The following GPATCH11 variants were observed in gnomAD, a reference collection of about 807,000 sequenced individuals.
GPATCH11 encodes the protein G-patch domain containing 11.
A neutral mutation model predicts 44.8 loss-of-function variants in GPATCH11; 32 were observed. The ratio of observed to expected loss-of-function variants is 0.71; its 90% CI spans 0.54 to 0.96. The LOEUF is 0.96. Among genes scored for constraint, GPATCH11 ranks in the 40% least tolerant of loss-of-function variants. The probability of loss-of-function intolerance (pLI) is 0.00; values close to 1 mark genes in which losing one functional copy is unlikely to be tolerated. For synonymous variants in GPATCH11, 84 were observed against 94.4 expected, an observed-to-expected ratio of 0.89 and a Z score of 0.64; for missense variants, 324 against 303.1, an observed-to-expected ratio of 1.07 and a Z score of -0.51.
At chr2:37,095,370 A>C in intron 7 of GPATCH11, 67 bp from the exon 8 acceptor site, 1 of 1,531,044 alleles carries the variant, frequency 6.5e-7, no homozygotes, top group South Asian at 1.3e-5. Context: ...ATTCGGCACG[A>C]TCTAAGAGCC....
rs770516455 is a variant in GPATCH11, at chr2:37,094,203, T to C, written c.654+8T>C. The C allele has an allele frequency of 3.4e-6, 5 of 1,485,838 alleles. No individual in the cohort carries two copies. The highest frequency in any genetic ancestry group is 3.7e-6 in the Non-Finnish European group (4 of 1,086,914). The allele number at this position is 1,485,838 out of a possible 1,614,324, so 92.0% of individuals were successfully genotyped here. A position where few individuals can be genotyped will look rare whatever the true frequency, so the allele number is the denominator to read the frequency against. On this transcript the variant is annotated splice_region_variant and intron_variant, in intron 7 of 8. Transcript: ENST00000674370. Reference sequence around the variant, plus strand: ...AAGAGTGAAGATTTAAGCGTATGCTTTGCACCATTTCCTTCATAGGGTGTC... The same window carrying C: ...AAGAGTGAAGATTTAAGCGTATGCTCTGCACCATTTCCTTCATAGGGTGTC...
chr2:37,095,415 A>C, intron 7 of GPATCH11, 22 bp from the exon 8 acceptor site: 1 of 1,591,672 alleles, frequency 6.3e-7, no homozygotes, highest in Non-Finnish European at 8.5e-7. Flanking sequence ...TAAAGTATTA[A>C]TAATGTGCTT....
rs558962004 is a variant in GPATCH11 at position 37,098,801 on chromosome 2, A to T, written c.*2538A>T. The stretch of plus-strand genomic sequence containing the variant: ...GTGGTGCATGCCTTTGGTCCCAGCT[A>T]CTCAGGGGGCTGAGATGGGGAATCC... On this transcript the variant is annotated 3_prime_UTR_variant, in exon 9 of 9. Coordinates refer to ENST00000674370, the MANE Select transcript of GPATCH11 (RefSeq NM_174931.4). The T allele has an allele frequency of 6.6e-6, 1 of 152,250 alleles. No individual in the cohort carries two copies. The highest frequency in any genetic ancestry group is 2.4e-5 in the African/African-American group (1 of 41,526). 9.4% of individuals were successfully genotyped at this position (152,250 alleles called of 1,614,324 possible). A position where few individuals can be genotyped will look rare whatever the true frequency, so the allele number is the denominator to read the frequency against.
At chr2:37,095,011 A>G (rs1363604331) in intron 7 of GPATCH11, among the ~76,000 whole-genome samples, 1 of 152,142 alleles carries the variant, frequency 6.6e-6, no homozygotes, top group East Asian at 1.9e-4. Flanking sequence ...TTACTTGAGT[A>G]TAATAATTTT....
Position 37,094,205 on chromosome 2 carries a change from G to T in GPATCH11, c.654+10G>T. 1 of 1,484,812 alleles carries T rather than the reference G, an allele frequency of 6.7e-7. No homozygotes were observed. Among genetic ancestry groups the T allele is most frequent in the Non-Finnish European group, 9.2e-7 (1 of 1,086,000 alleles). The allele number at this position is 1,484,812 out of a possible 1,614,324, so 92.0% of individuals were successfully genotyped here. ...GAGTGAAGATTTAAGCGTATGCTTT[G>T]CACCATTTCCTTCATAGGGTGTCTC... On this transcript the variant is annotated intron_variant, in intron 7 of 8. Transcript: ENST00000674370.
At chr2:37,091,780 T>A (rs1673330338) in intron 4 of GPATCH11, 136 bp from the exon 5 acceptor site, 1 of 667,484 alleles carries the variant, frequency 1.5e-6, no homozygotes, top group African/African-American at 1.8e-5. Context: ...TAGTGTTTTC[T>A]ACTATTAGTG....
chr2:37,092,479 AAT>A (rs1343141799), intron 6 of GPATCH11, among the ~76,000 whole-genome samples: 1 of 135,444 alleles, frequency 7.4e-6, no homozygotes, highest in Non-Finnish European at 1.6e-5. Context: ...TTATATATAT[AAT>A]ATATATATTA....
At chr2:37,095,158 G>T (rs1673512632) in intron 7 of GPATCH11, among the ~76,000 whole-genome samples, 1 of 152,096 alleles carries the variant, frequency 6.6e-6, no homozygotes, top group South Asian at 2.1e-4. Flanking sequence ...AGTAGAAAAA[G>T]CCTTTAAAGG....
At chr2:37,092,447 ATAT>A (rs1171722122) in intron 6 of GPATCH11, among the ~76,000 whole-genome samples, 192 bp downstream of exon 6, 4 of 143,822 alleles carry the variant, frequency 2.8e-5, no homozygotes, top group African/African-American at 5.0e-5. Context: ...TATGTCTTAT[ATAT>A]TATATATATT....
Position 37,096,583 on chromosome 2 carries a change from G to A in GPATCH11, c.*320G>A, listed in dbSNP as rs1421835488. ...GGAACAAATTGAGAAATAAGAAATGGGAGTCAGAGGAAGAGAAAAATATCC... is the reference window on the plus strand; with the variant it reads ...GGAACAAATTGAGAAATAAGAAATGAGAGTCAGAGGAAGAGAAAAATATCC... On this transcript the variant is annotated 3_prime_UTR_variant, in exon 9 of 9. Coordinates refer to ENST00000674370, the MANE Select transcript of GPATCH11 (RefSeq NM_174931.4). 8.1e-6 allele frequency: 2 copies of A among 247,060 alleles called. No individual in the cohort carries two copies. The highest frequency in any genetic ancestry group is 1.5e-5 in the Non-Finnish European group (2 of 129,468). The allele number at this position is 247,060 out of a possible 1,614,324, so 15.3% of individuals were successfully genotyped here. A position where few individuals can be genotyped will look rare whatever the true frequency, so the allele number is the denominator to read the frequency against.
chr2:37,085,223 C>G (rs943131564), intron 1 of GPATCH11, among the ~76,000 whole-genome samples: 1 of 152,204 alleles, frequency 6.6e-6, no homozygotes, highest in Non-Finnish European at 1.5e-5. Flanking sequence ...AAGTAGGTCT[C>G]TTAAAAACAA....
intron 1 of GPATCH11, among the ~76,000 whole-genome samples, chr2:37,086,729 G>T (rs1363961088): frequency 6.6e-6 from 1 of 152,192 alleles, no homozygotes; most frequent in Non-Finnish European, 1.5e-5. Flanking sequence ...AACTCGGCAG[G>T]TGTAGGTTGC....
In GPATCH11 at chr2:37,086,262, G is replaced by A. The variant is rs74679441; in HGVS notation, c.-14+1692G>A. On this transcript the variant is annotated intron_variant, in intron 1 of 8. Transcript: ENST00000674370. ...TTGACTCACAGAAATGTATTAAGCT[G>A]TACATTTGTTTTATGTGTTTTCTGT... Among the ~76,000 whole-genome samples, 1,393 of 152,288 alleles carry A rather than the reference G, an allele frequency of 9.1e-3. 11 individuals carry two copies. The highest frequency in any genetic ancestry group is 0.015 in the Non-Finnish European group (1,001 of 68,020).
chr2:37,092,814 T>C (rs1673399026), intron 6 of GPATCH11, among the ~76,000 whole-genome samples: 1 of 152,168 alleles, frequency 6.6e-6, no homozygotes. Context: ...TAGCCTATTT[T>C]CAGTTCCTAT....
intron 2 of GPATCH11, among the ~76,000 whole-genome samples, chr2:37,088,957 T>C (rs1190243572): frequency 6.6e-6 from 1 of 152,248 alleles, no homozygotes; most frequent in East Asian, 1.9e-4. Flanking sequence ...CCCTTGATCC[T>C]TTTTATTGCC....
intron 7 of GPATCH11, among the ~76,000 whole-genome samples, 153 bp from the exon 8 acceptor site, chr2:37,095,284 C>G (rs1295808536): frequency 6.6e-6 from 1 of 152,134 alleles, no homozygotes; most frequent in Non-Finnish European, 1.5e-5. Context: ...GTAACACATT[C>G]GAATATATCA....
chr2:37,095,576 A>T (rs1207852872), intron 8 of GPATCH11, 58 bp downstream of exon 8: 2 of 1,467,206 alleles, frequency 1.4e-6, no homozygotes, highest in East Asian at 2.6e-5. Context: ...ATTTTTAGTT[A>T]AAGTCATTTC....
intron 6 of GPATCH11, among the ~76,000 whole-genome samples, chr2:37,093,034 T>C (rs1572982529): frequency 6.6e-6 from 1 of 152,136 alleles, no homozygotes; most frequent in East Asian, 1.9e-4. Flanking sequence ...TAGTCCTATC[T>C]ACTCAGGAGG....
At position 37,092,235 on chromosome 2, in the gene GPATCH11, C is replaced by A; in HGVS notation, c.520C>A (p.Gln174Lys). ...GDLRRSQRACQQLDVQKNIQV... is the reference protein window; with the variant it reads ...GDLRRSQRACKQLDVQKNIQV... ...TCTCAGAAGAAGCCAGCGAGCCTGT[C>A]AACAACTGGATGTCCAGAAAGTAAG... Residue 174 changes from glutamine (Q) to lysine (K), a missense_variant, in exon 6 of 9, where the codon CAA (glutamine) becomes AAA (lysine). By Grantham distance (53) the Gln-to-Lys change is moderately conservative. Coordinates refer to ENST00000674370, the MANE Select transcript of GPATCH11 (RefSeq NM_174931.4). 6.6e-7 allele frequency: 1 copy of A among 1,509,558 alleles called. No individual in the cohort carries two copies. The highest frequency in any genetic ancestry group is 1.4e-5 in the South Asian group (1 of 70,410). The allele number at this position is 1,509,558 out of a possible 1,614,324, so 93.5% of individuals were successfully genotyped here.
Sources: gnomAD v4.1 joint callset for allele counts (sites outside exome capture counted in the v4.1 genomes callset) on GRCh38, gnomAD v4.1.1 for gene constraint, MANE v1.5 for transcripts, NCBI Gene and HGNC (gene_info 2026-07-23, HGNC 2026-07-21) for gene names.